Variants in COG6 observed in about 807,000 individuals in gnomAD.
COG6 encodes conserved oligomeric Golgi complex subunit 6.
COG6 carries 74 observed loss-of-function variants against 88.8 expected under a neutral mutation model. The observed-to-expected ratio is 0.83, with a 90% CI of 0.69 to 1.01. The LOEUF (loss-of-function observed/expected upper bound fraction) is 1.01, where lower values mean the gene tolerates loss of function less well. Ranked by LOEUF, COG6 falls within the 50% of genes least tolerant of loss-of-function variation. COG6 has a pLI of 0.00. For missense variants in COG6, 800 were observed against 797.9 expected (o/e 1.00, Z -0.03); for synonymous variants, 286 against 278.7 (o/e 1.03, Z -0.26).
intron 18 of COG6, among the ~76,000 whole-genome samples, chr13:39,737,840 A>T (rs1300807066): frequency 6.6e-6 from 1 of 152,084 alleles, no homozygotes; most frequent in Non-Finnish European, 1.5e-5. Flanking sequence ...GACCGCTGGG[A>T]TGGAGGCTTC....
intron 16 of COG6, 75 bp downstream of exon 16, chr13:39,723,515 G>A: frequency 2.3e-6 from 2 of 861,380 alleles, no homozygotes; most frequent in Admixed American, 1.8e-5. Flanking sequence ...CTGCACTCTG[G>A]ATTCTTGGCT....
At chr13:39,713,511 G>A (rs780143612) in intron 13 of COG6, among the ~76,000 whole-genome samples, 1 of 152,162 alleles carries the variant, frequency 6.6e-6, no homozygotes, top group African/African-American at 2.4e-5. Context: ...CAAGGCGGGT[G>A]GATCACGAGG....
chr13:39,769,790 G>A (rs944600806), intron 18 of COG6, among the ~76,000 whole-genome samples: 1 of 147,558 alleles, frequency 6.8e-6, no homozygotes, highest in African/African-American at 2.7e-5. Flanking sequence ...AGGGTTTTGT[G>A]CCCTTATAAA....
intron 4 of COG6, among the ~76,000 whole-genome samples, chr13:39,666,373 C>G (rs1278402396): frequency 1.3e-5 from 2 of 152,080 alleles, no homozygotes; most frequent in Non-Finnish European, 2.9e-5. Context: ...TGCACTCCAG[C>G]CTGGGTGACA....
intron 13 of COG6, among the ~76,000 whole-genome samples, chr13:39,706,654 A>G (rs1593439595): frequency 1.3e-5 from 2 of 152,270 alleles, no homozygotes; most frequent in African/African-American, 4.8e-5. Flanking sequence ...GAAGTTTTCA[A>G]TAGCTTAAAT....
intron 13 of COG6, among the ~76,000 whole-genome samples, chr13:39,712,188 A>G (rs750096489): frequency 3.9e-5 from 6 of 152,052 alleles, no homozygotes; most frequent in Non-Finnish European, 8.8e-5. Context: ...TTCATTTAAC[A>G]TATTATTGGG....
intron 13 of COG6, among the ~76,000 whole-genome samples, chr13:39,702,774 T>C (rs574879446): frequency 3.3e-5 from 5 of 152,248 alleles, no homozygotes; most frequent in Non-Finnish European, 5.9e-5. Flanking sequence ...TAGTCTATTT[T>C]GAAGACCTAG....
chr13:39,689,617 T>TA lies in COG6; in HGVS notation c.1010-142dup, dbSNP rs1196641180. 1.3e-5 allele frequency: 8 copies of TA among 610,176 alleles called. No homozygotes were observed. The Admixed American group carries it at 2.1e-4, about 16-fold the overall frequency. 37.8% of individuals were successfully genotyped at this position (610,176 alleles called of 1,614,324 possible). On this transcript the variant is annotated intron_variant, in intron 10 of 18. Coordinates refer to ENST00000455146, the MANE Select transcript of COG6 (RefSeq NM_020751.3). ...GTAATGTCCCAAGAGATATCAAACTTACTAAAATATTGTTATGGTTATTTT... is the reference window on the plus strand; with the variant it reads ...GTAATGTCCCAAGAGATATCAAACTTAACTAAAATATTGTTATGGTTATTTT...
chr13:39,766,578 C>T (rs1881172075), intron 18 of COG6, among the ~76,000 whole-genome samples: 1 of 152,174 alleles, frequency 6.6e-6, no homozygotes, highest in Non-Finnish European at 1.5e-5. Flanking sequence ...CTAACCCCAT[C>T]CCAAAACCAG....
At chr13:39,746,346 A>G (rs3000484) in intron 18 of COG6, among the ~76,000 whole-genome samples, 151,710 of 152,188 alleles carry the variant, frequency 1, 75,620 homozygotes, top group Non-Finnish European at 1. Flanking sequence ...TCAGCTATGG[A>G]CTAGGCTGTG....
intron 18 of COG6, among the ~76,000 whole-genome samples, chr13:39,758,815 A>C (rs1296585557): frequency 6.6e-6 from 1 of 152,226 alleles, no homozygotes; most frequent in African/African-American, 2.4e-5. Flanking sequence ...AAAATTAGAA[A>C]TAACTGAAAT....
At chr13:39,746,057 G>A (rs939233735) in intron 18 of COG6, among the ~76,000 whole-genome samples, 14 of 151,968 alleles carry the variant, frequency 9.2e-5, no homozygotes, top group Non-Finnish European at 2.1e-4. Flanking sequence ...CACAGGGCGG[G>A]GAACATCACA....
In COG6 at chr13:39,751,646, T is replaced by C. The variant is rs1345769132; in HGVS notation, c.*553T>C. On this transcript the variant is annotated 3_prime_UTR_variant, in exon 19 of 19. Coordinates refer to ENST00000455146, the MANE Select transcript of COG6 (RefSeq NM_020751.3). ...ACAGTGAATGTGCTCCTGGTGTATA[T>C]GGCAGTGAATCTCCTTTCTGTTCTA... 46 of 1,286,992 alleles carry C rather than the reference T, an allele frequency of 3.6e-5. No homozygotes were observed. Among genetic ancestry groups the C allele is most frequent in the Non-Finnish European group, 4.5e-5 (44 of 988,538 alleles). 79.7% of individuals were successfully genotyped at this position (1,286,992 alleles called of 1,614,324 possible). A position where few individuals can be genotyped will look rare whatever the true frequency, so the allele number is the denominator to read the frequency against.
At chr13:39,677,700 T>C (rs1876057098) in intron 5 of COG6, 121 bp downstream of exon 5, 1 of 593,742 alleles carries the variant, frequency 1.7e-6, no homozygotes, top group East Asian at 2.8e-5. Flanking sequence ...TATTTTTATG[T>C]TTGGAAATTT....
chr13:39,734,453 T>G (rs1879626055), intron 18 of COG6, among the ~76,000 whole-genome samples: 1 of 152,202 alleles, frequency 6.6e-6, no homozygotes, highest in Non-Finnish European at 1.5e-5. Context: ...TCCATTGTGG[T>G]CAGAGAAGAT....
At chr13:39,768,119 CAT>C (rs36085267) in intron 18 of COG6, among the ~76,000 whole-genome samples, 63,392 of 151,972 alleles carry the variant, frequency 0.42, 13,569 homozygotes, top group Admixed American at 0.57. Context: ...GTTTAACACA[CAT>C]GTCTGTCTAT....
intron 12 of COG6, among the ~76,000 whole-genome samples, chr13:39,699,284 A>G (rs1877441474): frequency 6.6e-6 from 1 of 151,872 alleles, no homozygotes; most frequent in Admixed American, 6.6e-5. Flanking sequence ...AATATTGAAA[A>G]CATAGTAGTT....
At chr13:39,753,961 C>T (rs1880749542), downstream of COG6, among the ~76,000 whole-genome samples, 1 of 152,166 alleles carries the variant, frequency 6.6e-6, no homozygotes, top group African/African-American at 2.4e-5. Context: ...CGAAACTAAC[C>T]TGATAAGCTT....
At chr13:39,731,087 T>G (rs116270937) in intron 18 of COG6, among the ~76,000 whole-genome samples, 2 of 152,044 alleles carry the variant, frequency 1.3e-5, no homozygotes, top group African/African-American at 4.8e-5. Context: ...CCTCCCAAAG[T>G]GCTGGGGTGA....
Sources: allele counts gnomAD v4.1 joint callset (sites outside exome capture counted in the v4.1 genomes callset), GRCh38; gene constraint gnomAD v4.1.1; transcripts MANE v1.5; gene names NCBI Gene and HGNC (gene_info 2026-07-23, HGNC 2026-07-21).